Variants in FANK1 observed in about 807,000 individuals in gnomAD.
The protein encoded by FANK1 is fibronectin type III and ankyrin repeat domains 1.
A neutral mutation model predicts 45.3 loss-of-function variants in FANK1; 44 were observed. The observed-to-expected ratio is 0.97, with a 90% CI of 0.76 to 1.25. The LOEUF (loss-of-function observed/expected upper bound fraction) is 1.25, where lower values mean the gene tolerates loss of function less well. Among genes scored for constraint, FANK1 ranks in the 50% most tolerant of loss-of-function variants. FANK1 has a pLI of 0.00. For synonymous variants in FANK1, 149 were observed against 152.5 expected (o/e 0.98, Z 0.17); for missense variants, 391 against 424.4 (o/e 0.92, Z 0.69).
At chr10:125,996,273 C>T (rs559743422) in intron 4 of FANK1, among the ~76,000 whole-genome samples, 5 of 152,222 alleles carry the variant, frequency 3.3e-5, no homozygotes, top group Admixed American at 2.0e-4. Flanking sequence ...GTGCTTTATC[C>T]GATGGCCTCA....
chr10:125,925,162 C>G (rs145278687), intron 1 of FANK1, among the ~76,000 whole-genome samples: 1,756 of 152,152 alleles, frequency 0.012, 4 homozygotes, highest in African/African-American at 0.04. Flanking sequence ...TATTTTTATA[C>G]TTTATTTACT....
chr10:125,995,594 A>T (rs765804073), intron 4 of FANK1, 96 bp downstream of exon 4: 2 of 1,204,958 alleles, frequency 1.7e-6, no homozygotes, highest in Admixed American at 1.9e-5. Context: ...AAAAATTCCC[A>T]TGGCTTTGAA....
chr10:125,915,988 T>C lies in FANK1; in HGVS notation c.13+19333T>C, dbSNP rs181751878. 1.3e-3 allele frequency among the ~76,000 whole-genome samples: 193 copies of C among 152,368 alleles called. 1 individual carries two copies. Among genetic ancestry groups the C allele is most frequent in the African/African-American group, 4.4e-3 (185 of 41,584 alleles). On this transcript the variant is annotated intron_variant, in intron 1 of 10. Coordinates refer to ENST00000368693, the MANE Select transcript of FANK1 (RefSeq NM_145235.5). Reference sequence around the variant, plus strand: ...CAGTTTGTCTGTTTCTTCAGTTTAGTTAATTGTCATATGTAGCTCCTCTGT... The same window carrying C: ...CAGTTTGTCTGTTTCTTCAGTTTAGCTAATTGTCATATGTAGCTCCTCTGT...
rs35836997 is a variant in FANK1 at position 125,915,532 on chromosome 10, A to G, written c.13+18877A>G. ...GAAAGGCTAGACTAGAAAACCTTAA[A>G]GGGGCTGGGTGCGGTGGCTCACGCC... On this transcript the variant is annotated intron_variant, in intron 1 of 10. Coordinates refer to ENST00000368693, the MANE Select transcript of FANK1 (RefSeq NM_145235.5). Among the ~76,000 whole-genome samples, 9 of 152,350 alleles carry G rather than the reference A, an allele frequency of 5.9e-5. No homozygotes were observed. In the South Asian group the frequency reaches 1.9e-3, roughly 32 times the overall value.
intron 1 of FANK1, among the ~76,000 whole-genome samples, chr10:125,930,569 C>T (rs1181010429): frequency 2.6e-5 from 4 of 151,358 alleles, no homozygotes; most frequent in Non-Finnish European, 5.9e-5. Context: ...ATCTACTGGG[C>T]TCAGGCAATC....
intron 3 of FANK1, among the ~76,000 whole-genome samples, chr10:125,991,296 C>T (rs1283057210): frequency 1.7e-5 from 2 of 116,996 alleles, no homozygotes; most frequent in African/African-American, 6.3e-5. Flanking sequence ...GTGATCCTGG[C>T]CATTTCACTG....
chr10:125,942,221 A>G (rs1455897806), intron 1 of FANK1, among the ~76,000 whole-genome samples: 4 of 152,242 alleles, frequency 2.6e-5, no homozygotes, highest in Non-Finnish European at 5.9e-5. Flanking sequence ...TTGTGAAGAC[A>G]TTGAGAGTCT....
intron 1 of FANK1, among the ~76,000 whole-genome samples, chr10:125,951,236 TAA>T (rs71029275): frequency 6.5e-4 from 85 of 131,566 alleles, no homozygotes; most frequent in East Asian, 4.1e-3. Context: ...ACTTAAAGTA[TAA>T]AAAAAAAAAA....
chr10:125,939,805 A>T (rs1948328746), intron 1 of FANK1, among the ~76,000 whole-genome samples: 1 of 152,152 alleles, frequency 6.6e-6, no homozygotes, highest in Non-Finnish European at 1.5e-5. Flanking sequence ...ATTGCCTTAC[A>T]TAATAAAATT....
chr10:125,952,997 C>G (rs2134169210), intron 1 of FANK1, among the ~76,000 whole-genome samples: 1 of 152,280 alleles, frequency 6.6e-6, no homozygotes, highest in Middle Eastern at 3.4e-3. Flanking sequence ...CTGCTGACTT[C>G]AGGATACTGG....
chr10:125,957,558 TC>T (rs1321349589), intron 1 of FANK1, among the ~76,000 whole-genome samples: 1 of 152,126 alleles, frequency 6.6e-6, no homozygotes, highest in African/African-American at 2.4e-5. Context: ...GGAGTCTTGC[TC>T]TGTTGCCCAG....
At chr10:125,908,050 G>A (rs1011898515) in intron 1 of FANK1, among the ~76,000 whole-genome samples, 1 of 147,344 alleles carries the variant, frequency 6.8e-6, no homozygotes, top group Non-Finnish European at 1.5e-5. Context: ...AGGCTGGAGT[G>A]CAGTGGTGCG....
At chr10:125,932,024 T>C (rs1947786118) in intron 1 of FANK1, among the ~76,000 whole-genome samples, 1 of 152,176 alleles carries the variant, frequency 6.6e-6, no homozygotes, top group Non-Finnish European at 1.5e-5. Context: ...TTTGGGCTTA[T>C]TTTTGGGTTC....
intron 1 of FANK1, among the ~76,000 whole-genome samples, chr10:125,911,547 A>G (rs1946011082): frequency 6.6e-6 from 1 of 152,256 alleles, no homozygotes; most frequent in Non-Finnish European, 1.5e-5. Context: ...TTGGGCAAGT[A>G]TATCTGCAGA....
At chr10:125,949,584 A>G (rs1949059404) in intron 1 of FANK1, among the ~76,000 whole-genome samples, 1 of 148,398 alleles carries the variant, frequency 6.7e-6, no homozygotes, top group African/African-American at 2.5e-5. Flanking sequence ...TTCAAGGAGA[A>G]CTACAAACCA....
rs527395233 is a variant in FANK1, at chr10:125,988,784, A to G, written c.316+109A>G. The G allele has an allele frequency of 5.4e-4, 836 of 1,545,708 alleles. 7 individuals are homozygous for G. The South Asian group carries it at 7.0e-3, about 13-fold the overall frequency. The stretch of plus-strand genomic sequence containing the variant: ...TTTGGCCTTACCAGAAGCAGAAATG[A>G]TACAATTTTTAAACACTGCAATAAT... On this transcript the variant is annotated intron_variant, in intron 3 of 10. Transcript: ENST00000368693.
chr10:125,918,207 G>A (rs1203476012), intron 1 of FANK1, among the ~76,000 whole-genome samples: 9 of 152,414 alleles, frequency 5.9e-5, no homozygotes, highest in East Asian at 3.8e-4. Context: ...ATGGATGGTG[G>A]TGATGGTTGT....
At chr10:125,930,754 G>T (rs1947700189) in intron 1 of FANK1, among the ~76,000 whole-genome samples, 1 of 152,056 alleles carries the variant, frequency 6.6e-6, no homozygotes, top group Admixed American at 6.5e-5. Flanking sequence ...TAGGGGACAG[G>T]TGGTATTTGG....
intron 1 of FANK1, among the ~76,000 whole-genome samples, chr10:125,937,134 A>C (rs1210559535): frequency 6.6e-6 from 1 of 152,150 alleles, no homozygotes; most frequent in Non-Finnish European, 1.5e-5. Context: ...AAACATATGT[A>C]TGTATTTCTG....
Sources: gnomAD v4.1 joint callset for allele counts (sites outside exome capture counted in the v4.1 genomes callset) on GRCh38, gnomAD v4.1.1 for gene constraint, MANE v1.5 for transcripts, NCBI Gene and HGNC (gene_info 2026-07-23, HGNC 2026-07-21) for gene names.